The following CDKL3 variants were observed in gnomAD, a reference collection of about 807,000 sequenced individuals.
CDKL3 encodes the protein cyclin dependent kinase like 3.
Under a neutral mutation model 69.3 loss-of-function variants are expected in CDKL3, and 65 were observed. That is an observed-to-expected ratio of 0.94 (90% CI 0.77 to 1.15). The LOEUF (loss-of-function observed/expected upper bound fraction) is 1.15. Among genes scored for constraint, CDKL3 ranks in the 50% most tolerant of loss-of-function variants. The pLI is 0.00. For synonymous variants in CDKL3, 202 were observed against 221.6 expected, an observed-to-expected ratio of 0.91 and a Z score of 0.79; for missense variants, 652 against 689.2, an observed-to-expected ratio of 0.95 and a Z score of 0.61.
rs781103230 is a variant in CDKL3, at chr5:134,303,164, T to C, written c.1622-477A>G. 1.3e-3 allele frequency among the ~76,000 whole-genome samples: 205 copies of C among 152,064 alleles called. 1 individual carries two copies. Among genetic ancestry groups the C allele is most frequent in the Non-Finnish European group, 2.4e-3 (165 of 67,990 alleles). On this transcript the variant is annotated intron_variant, in intron 11 of 12. Transcript: ENST00000265334. ...TGGAGTGCAGTGGCGCGATCTCGGC[T>C]CACTGCAACCTCCGCCTCCCGGTTT... is the stretch of plus-strand genomic sequence containing the variant.
downstream of CDKL3, among the ~76,000 whole-genome samples, chr5:134,295,990 G>A (rs942118997): frequency 3.9e-5 from 6 of 152,156 alleles, no homozygotes; most frequent in African/African-American, 1.2e-4. Flanking sequence ...TCCACTTTCC[G>A]GGTTCACGCC....
At chr5:134,318,647 A>T (rs1285935068) in intron 6 of CDKL3, among the ~76,000 whole-genome samples, 1 of 151,846 alleles carries the variant, frequency 6.6e-6, no homozygotes, top group Admixed American at 6.6e-5. Context: ...CACCATGCCC[A>T]GCTAACTTTT....
At chr5:134,358,812 C>T (rs1323976225) in intron 3 of CDKL3, among the ~76,000 whole-genome samples, 1 of 151,922 alleles carries the variant, frequency 6.6e-6, no homozygotes, top group African/African-American at 2.4e-5. Flanking sequence ...CAAGGTCTTG[C>T]TATGTTGCCC....
chr5:134,304,649 G>A, intron 10 of CDKL3, 82 bp from the exon 11 acceptor site: 2 of 1,017,294 alleles, frequency 2.0e-6, no homozygotes, highest in Non-Finnish European at 1.4e-6. Flanking sequence ...TAGCCATTTG[G>A]ATGGTATAAG....
chr5:134,371,623 A>C, upstream of CDKL3: 1 of 1,612,876 alleles, frequency 6.2e-7, no homozygotes, highest in East Asian at 2.2e-5. Flanking sequence ...GAGGAGGCTC[A>C]TGCGGGATTT....
upstream of CDKL3, chr5:134,371,471 TCTC>T: frequency 6.0e-6 from 7 of 1,162,330 alleles, no homozygotes; most frequent in South Asian, 9.7e-5. Context: ...TGTTTGTCAG[TCTC>T]GGCGGCGGCG....
rs1757463722 is a variant in CDKL3, at chr5:134,366,432, G to A, written c.92C>T (p.Ala31Val). ...CKHKNTGQIV[A>V]IKIFYERPEQ... Reference sequence around the variant, plus strand: ...TGGTCTCTCATAAAATATCTTAATGGCCACTATCTGCCCAGTATTCTTATG... The same window carrying A: ...TGGTCTCTCATAAAATATCTTAATGACCACTATCTGCCCAGTATTCTTATG... Residue 31 changes from alanine (A) to valine (V), a missense_variant, in exon 2 of 13, where the codon GCC becomes GTC. By Grantham distance (64) the Ala-to-Val change is moderately conservative. Transcript: ENST00000265334. 1.9e-6 allele frequency: 3 copies of A among 1,603,840 alleles called. No homozygotes were observed.
At chr5:134,309,807 T>C (rs1039016568) in intron 7 of CDKL3, among the ~76,000 whole-genome samples, 1 of 152,180 alleles carries the variant, frequency 6.6e-6, no homozygotes, top group African/African-American at 2.4e-5. Context: ...GTAGAAGTGA[T>C]ATGAAGCAAC....
At chr5:134,330,205 G>T (rs1337305322) in intron 4 of CDKL3, among the ~76,000 whole-genome samples, 2 of 151,948 alleles carry the variant, frequency 1.3e-5, no homozygotes, top group Non-Finnish European at 2.9e-5. Context: ...ATTGTTAACT[G>T]AAGAAAAATG....
At chr5:134,301,882 G>A (rs1324832513) in intron 12 of CDKL3, among the ~76,000 whole-genome samples, 3 of 149,004 alleles carry the variant, frequency 2.0e-5, no homozygotes, top group South Asian at 2.1e-4. Context: ...GAGACACTCC[G>A]TCTCAAAAAC....
intron 4 of CDKL3, among the ~76,000 whole-genome samples, chr5:134,331,224 G>A (rs140992248): frequency 3.3e-5 from 5 of 152,146 alleles, no homozygotes; most frequent in African/African-American, 7.2e-5. Context: ...CAAGATAAAT[G>A]TTTTCCTCAC....
chr5:134,293,002 C>CTTTTTTTTTTTTTTTTTTTTTT (rs558156596), intron 8 of CDKL3, among the ~76,000 whole-genome samples: 2 of 43,880 alleles, frequency 4.6e-5, no homozygotes, highest in Non-Finnish European at 8.8e-5. Context: ...CTGCCAATTT[C>CTTTTTTTTTTTTTTTTTTTTTT]TTTTTTTTTT....
chr5:134,366,934 G>A, intron 1 of CDKL3, 43 bp downstream of exon 1: 7 of 991,198 alleles, frequency 7.1e-6, no homozygotes, highest in Non-Finnish European at 8.4e-6. Context: ...AAAAAAGCCT[G>A]GTCTCGCCCG....
At chr5:134,318,244 A>AAAATAAT (rs1041898444) in intron 6 of CDKL3, among the ~76,000 whole-genome samples, 5 of 151,746 alleles carry the variant, frequency 3.3e-5, no homozygotes, top group Middle Eastern at 6.8e-3. Flanking sequence ...AACAAAAGCA[A>AAAATAAT]AAATAATAAA....
upstream of CDKL3, chr5:134,371,288 G>A (rs932278290): frequency 1.4e-5 from 7 of 507,932 alleles, no homozygotes; most frequent in Admixed American, 1.0e-4. Flanking sequence ...TGAACACAGA[G>A]AACACAAATT....
chr5:134,365,852 A>G (rs1757276697), intron 2 of CDKL3, among the ~76,000 whole-genome samples: 1 of 152,156 alleles, frequency 6.6e-6, no homozygotes, highest in Non-Finnish European at 1.5e-5. Context: ...CTAGAACACA[A>G]CAGTTTCTCC....
intron 12 of CDKL3, among the ~76,000 whole-genome samples, chr5:134,298,943 G>A (rs1308503331): frequency 6.6e-6 from 1 of 151,998 alleles, no homozygotes; most frequent in South Asian, 2.1e-4. Context: ...GCGTGATCTC[G>A]GCTCACTACA....
chr5:134,312,230 G>A (rs1453794816), intron 7 of CDKL3, 62 bp downstream of exon 7: 4 of 927,020 alleles, frequency 4.3e-6, no homozygotes, highest in Non-Finnish European at 6.7e-6. Context: ...CAATTTTCCT[G>A]CTAGTAAAAT....
chr5:134,345,470 G>A (rs933309820), intron 4 of CDKL3, among the ~76,000 whole-genome samples: 5 of 152,164 alleles, frequency 3.3e-5, no homozygotes, highest in Non-Finnish European at 7.3e-5. Flanking sequence ...CCTTTCACTC[G>A]TGTCCGTGTG....
Sources: gnomAD v4.1 joint callset for allele counts (sites outside exome capture counted in the v4.1 genomes callset) on GRCh38, gnomAD v4.1.1 for gene constraint, MANE v1.5 for transcripts, NCBI Gene and HGNC (gene_info 2026-07-23, HGNC 2026-07-21) for gene names.